LRP1B: variants seen among roughly 807,000 people sequenced by gnomAD.
The protein encoded by LRP1B is low-density lipoprotein receptor-related protein 1B.
A neutral mutation model predicts 556.6 loss-of-function variants in LRP1B; 217 were observed. That is an observed-to-expected ratio of 0.39 (90% confidence interval 0.35 to 0.44). The LOEUF is 0.44. Ranked by LOEUF, LRP1B falls within the 20% of genes least tolerant of loss-of-function variation. The pLI is 1.00. For missense variants in LRP1B, 5,053 were observed against 5,620.8 expected (o/e 0.90, Z 3.23); for synonymous variants, 2,047 against 1,865.8 (o/e 1.10, Z -2.50).
At chr2:141,065,346 C>A (rs976795133) in intron 7 of LRP1B, among the ~76,000 whole-genome samples, 1 of 152,016 alleles carries the variant, frequency 6.6e-6, no homozygotes, top group Middle Eastern at 3.4e-3. Flanking sequence ...TAATCAATTC[C>A]TTTAACAATG....
At chr2:141,661,117 CAGAA>C (rs1356579387) in intron 2 of LRP1B, among the ~76,000 whole-genome samples, 1 of 152,134 alleles carries the variant, frequency 6.6e-6, no homozygotes, top group African/African-American at 2.4e-5. Context: ...AACAAACAAA[CAGAA>C]AGCAACAACA....
At chr2:140,755,544 C>A (rs1225534991) in intron 35 of LRP1B, among the ~76,000 whole-genome samples, 1 of 151,752 alleles carries the variant, frequency 6.6e-6, no homozygotes, top group Non-Finnish European at 1.5e-5. Flanking sequence ...ATTTATTACA[C>A]CGTATCAACA....
chr2:142,064,114 T>C (rs1484939503), intron 1 of LRP1B, among the ~76,000 whole-genome samples: 2 of 151,580 alleles, frequency 1.3e-5, no homozygotes, highest in Non-Finnish European at 3.0e-5. Flanking sequence ...TAAACTGAAA[T>C]TTTGAACAAT....
At chr2:140,395,928 A>G (rs1684229293) in intron 66 of LRP1B, among the ~76,000 whole-genome samples, 1 of 151,990 alleles carries the variant, frequency 6.6e-6, no homozygotes, top group African/African-American at 2.4e-5. Context: ...TATGGTTATG[A>G]AGTGAGTGGG....
intron 55 of LRP1B, among the ~76,000 whole-genome samples, chr2:140,499,639 C>T (rs774957116): frequency 2.6e-5 from 4 of 151,800 alleles, no homozygotes; most frequent in Admixed American, 6.6e-5. Flanking sequence ...CAGCATGTTA[C>T]TATATTGAAT....
At chr2:140,736,842 C>T (rs1475412933) in intron 35 of LRP1B, among the ~76,000 whole-genome samples, 3 of 152,088 alleles carry the variant, frequency 2.0e-5, no homozygotes, top group East Asian at 1.9e-4. Flanking sequence ...CCTTCTCACC[C>T]CCTACTGCCT....
intron 1 of LRP1B, among the ~76,000 whole-genome samples, chr2:142,124,082 G>T (rs1404756460): frequency 6.7e-6 from 1 of 150,024 alleles, no homozygotes; most frequent in Non-Finnish European, 1.5e-5. Context: ...GTGAAGGTTT[G>T]TTACATAGGT....
At chr2:140,367,347 G>A (rs1036751467) in intron 71 of LRP1B, among the ~76,000 whole-genome samples, 3 of 151,732 alleles carry the variant, frequency 2.0e-5, no homozygotes, top group African/African-American at 7.3e-5. Context: ...TAGTACAATT[G>A]TCTGCAAAAA....
intron 7 of LRP1B, among the ~76,000 whole-genome samples, chr2:141,184,984 A>G (rs916480127): frequency 1.1e-4 from 16 of 152,052 alleles, no homozygotes; most frequent in African/African-American, 3.9e-4. Flanking sequence ...AAGGTTGAAA[A>G]GAAAAAGGTC....
intron 7 of LRP1B, among the ~76,000 whole-genome samples, chr2:141,091,999 C>A (rs1406021351): frequency 6.6e-6 from 1 of 152,148 alleles, no homozygotes; most frequent in East Asian, 1.9e-4. Flanking sequence ...GTATGTATAG[C>A]TCACATTTAT....
intron 3 of LRP1B, among the ~76,000 whole-genome samples, chr2:141,448,567 C>G (rs1157031159): frequency 6.6e-6 from 1 of 151,090 alleles, no homozygotes; most frequent in Non-Finnish European, 1.5e-5. Context: ...GTTGCGAAGA[C>G]CATGGCAAAA....
intron 66 of LRP1B, among the ~76,000 whole-genome samples, chr2:140,432,135 T>A (rs1685972429): frequency 6.6e-6 from 1 of 152,016 alleles, no homozygotes; most frequent in African/African-American, 2.4e-5. Flanking sequence ...ACTGATGACA[T>A]TATCTTCTGA....
At chr2:140,718,079 T>A (rs983154241) in intron 35 of LRP1B, among the ~76,000 whole-genome samples, 1 of 152,142 alleles carries the variant, frequency 6.6e-6, no homozygotes, top group Admixed American at 6.6e-5. Context: ...AAGCATTGTA[T>A]GTTGAGTCTA....
At chr2:140,599,974 A>G (rs1237522281) in intron 42 of LRP1B, among the ~76,000 whole-genome samples, 1 of 152,154 alleles carries the variant, frequency 6.6e-6, no homozygotes, top group Non-Finnish European at 1.5e-5. Flanking sequence ...TGTCATTTAC[A>G]TATATGATGA....
chr2:141,653,258 C>T (rs1385111238), intron 2 of LRP1B, among the ~76,000 whole-genome samples: 1 of 152,098 alleles, frequency 6.6e-6, no homozygotes, highest in Non-Finnish European at 1.5e-5. Context: ...TTTCTCAATG[C>T]TGTAGTTTAG....
chr2:140,951,816 C>A (rs779794411), intron 19 of LRP1B, 44 bp downstream of exon 19: 7 of 1,477,716 alleles, frequency 4.7e-6, no homozygotes, highest in Middle Eastern at 3.5e-4. Context: ...GACCGCCAAG[C>A]CCCCGATCAA....
intron 41 of LRP1B, among the ~76,000 whole-genome samples, chr2:140,686,474 G>A (rs1387678584): frequency 6.6e-6 from 1 of 151,784 alleles, no homozygotes; most frequent in Non-Finnish European, 1.5e-5. Context: ...TACAGGAGAA[G>A]GGAGAGTGAA....
intron 42 of LRP1B, 38 bp from the exon 43 acceptor site, chr2:140,598,873 CTCA>C: frequency 1.5e-6 from 2 of 1,373,152 alleles, no homozygotes; most frequent in Non-Finnish European, 2.1e-6. Flanking sequence ...AATTAAACTT[CTCA>C]TCAAGAGTAA....
At chr2:140,647,534 A>G (rs189054304) in intron 41 of LRP1B, among the ~76,000 whole-genome samples, 1 of 152,302 alleles carries the variant, frequency 6.6e-6, no homozygotes, top group Admixed American at 6.5e-5. Context: ...CAGGCATGAA[A>G]CAGGGCTATC....
Sources: gnomAD v4.1 joint callset for allele counts (sites outside exome capture counted in the v4.1 genomes callset) on GRCh38, gnomAD v4.1.1 for gene constraint, MANE v1.5 for transcripts, NCBI Gene and HGNC (gene_info 2026-07-23, HGNC 2026-07-21) for gene names.